URGCP: variants seen among roughly 807,000 people sequenced by gnomAD.
URGCP encodes upregulator of cell proliferation.
URGCP carries 13 observed loss-of-function variants against 24.6 expected under a neutral mutation model. The observed-to-expected ratio is 0.53, with a 90% confidence interval of 0.34 to 0.84. URGCP has a LOEUF of 0.84. Among genes scored for constraint, URGCP ranks in the 40% least tolerant of loss-of-function variants. The pLI is 0.01. For synonymous variants in URGCP, 444 were observed against 487.2 expected, an observed-to-expected ratio of 0.91 and a Z score of 1.17; for missense variants, 899 against 1,194.3, an observed-to-expected ratio of 0.75 and a Z score of 3.64.
At chr7:43,881,411 G>C (rs2095853496) in intron 5 of URGCP, 3 of 609,720 alleles carry the variant, frequency 4.9e-6, no homozygotes, top group African/African-American at 1.9e-5. Flanking sequence ...ATTAAAGGCA[G>C]TGAGTATGTT....
At chr7:43,913,632 G>T (rs2095912542) in intron 1 of URGCP, among the ~76,000 whole-genome samples, 1 of 152,108 alleles carries the variant, frequency 6.6e-6, no homozygotes, top group Non-Finnish European at 1.5e-5. Flanking sequence ...TAAATATGAT[G>T]AATCACTTCT....
At chr7:43,893,727 C>T (rs1160779976) in intron 1 of URGCP, among the ~76,000 whole-genome samples, 3 of 152,092 alleles carry the variant, frequency 2.0e-5, no homozygotes, top group Admixed American at 6.6e-5. Context: ...AAAAATTAGA[C>T]GGGTGTGATG....
intron 1 of URGCP, among the ~76,000 whole-genome samples, chr7:43,923,878 T>A (rs1344782908): frequency 7.0e-5 from 10 of 143,862 alleles, no homozygotes. Flanking sequence ...GTATTATTAT[T>A]ATTTTTTTTT....
intron 1 of URGCP, among the ~76,000 whole-genome samples, chr7:43,922,218 C>T (rs2095923248): frequency 6.6e-6 from 1 of 152,158 alleles, no homozygotes; most frequent in Non-Finnish European, 1.5e-5. Context: ...TGCACCATCA[C>T]ACTTGGATAA....
chr7:43,924,734 C>T (rs1301305788), intron 1 of URGCP, among the ~76,000 whole-genome samples: 1 of 152,032 alleles, frequency 6.6e-6, no homozygotes, highest in Non-Finnish European at 1.5e-5. Context: ...GTCAGGTGGG[C>T]TGGAGGTAGG....
At chr7:43,925,648 C>T (rs767869588) in intron 1 of URGCP, among the ~76,000 whole-genome samples, 7 of 152,006 alleles carry the variant, frequency 4.6e-5, no homozygotes, top group Non-Finnish European at 1.0e-4. Context: ...TACAGGCATA[C>T]GTCACTACGC....
At chr7:43,906,415 G>A (rs1445519123) in intron 1 of URGCP, 147 bp downstream of exon 1, 1 of 910,692 alleles carries the variant, frequency 1.1e-6, no homozygotes, top group African/African-American at 1.8e-5. Flanking sequence ...GCGGGCCGTG[G>A]GCCTGGTGGG....
chr7:43,921,862 T>A (rs139233790), intron 1 of URGCP, among the ~76,000 whole-genome samples: 1 of 152,166 alleles, frequency 6.6e-6, no homozygotes, highest in East Asian at 1.9e-4. Flanking sequence ...CTGTAAATAA[T>A]TGAGCATTGA....
chr7:43,900,469 CA>C (rs759728715), intron 1 of URGCP, among the ~76,000 whole-genome samples: 55,782 of 114,740 alleles, frequency 0.49, 11,074 homozygotes, highest in South Asian at 0.67. Context: ...AAAACCAAAA[CA>C]AAAAAAAAAA....
intron 1 of URGCP, among the ~76,000 whole-genome samples, chr7:43,913,528 T>C (rs1221845281): frequency 6.6e-6 from 1 of 152,054 alleles, no homozygotes; most frequent in Non-Finnish European, 1.5e-5. Context: ...CTGACAGTTA[T>C]TTTCTTTAAG....
chr7:43,903,232 A>G (rs986870337), intron 1 of URGCP, among the ~76,000 whole-genome samples: 1 of 152,252 alleles, frequency 6.6e-6, no homozygotes, highest in African/African-American at 2.4e-5. Context: ...TGGCATGGAA[A>G]GAATTTCAAG....
intron 1 of URGCP, among the ~76,000 whole-genome samples, chr7:43,912,831 A>C (rs1403505817): frequency 6.6e-6 from 1 of 151,634 alleles, no homozygotes; most frequent in Non-Finnish European, 1.5e-5. Flanking sequence ...TTTTCTGTGA[A>C]TGTCTTAATT....
chr7:43,913,041 G>A (rs946598504), intron 1 of URGCP, among the ~76,000 whole-genome samples: 4 of 151,940 alleles, frequency 2.6e-5, no homozygotes, highest in African/African-American at 7.3e-5. Flanking sequence ...AGTAGAGACA[G>A]GGTTTCACCA....
At chr7:43,925,126 G>A (rs894412265) in intron 1 of URGCP, among the ~76,000 whole-genome samples, 2 of 152,222 alleles carry the variant, frequency 1.3e-5, no homozygotes, top group African/African-American at 4.8e-5. Flanking sequence ...GGGCTTCCTT[G>A]AAGAGTTCTG....
At position 43,877,011 on chromosome 7, in the gene URGCP, C is replaced by T; in HGVS notation, c.2452G>A (p.Val818Ile). 1.2e-6 allele frequency: 2 copies of T among 1,614,256 alleles called. No individual in the cohort carries two copies. Among genetic ancestry groups the T allele is most frequent in the Non-Finnish European group, 8.5e-7 (1 of 1,180,048 alleles). Residue 818 changes from valine to isoleucine, a missense_variant, in exon 6 of 6, where the codon GTA (valine) becomes ATA (isoleucine). By Grantham distance (29) the Val-to-Ile change is conservative (BLOSUM62 3). Transcript: ENST00000453200. ...KTGHMPNYQF[V>I]YQNLHDVSVP... The stretch of plus-strand genomic sequence containing the variant: ...GATACATCATGAAGGTTCTGGTATA[C>T]AAACTGGTAGTTGGGCATGTGCCCC...
chr7:43,919,166 G>A, intron 1 of URGCP: 2 of 879,974 alleles, frequency 2.3e-6, no homozygotes, highest in Non-Finnish European at 2.0e-6. Context: ...TAGAATGGCT[G>A]AATGACAGGT....
chr7:43,915,387 C>T (rs902888344), intron 1 of URGCP, among the ~76,000 whole-genome samples: 1 of 152,240 alleles, frequency 6.6e-6, no homozygotes, highest in Non-Finnish European at 1.5e-5. Flanking sequence ...TGCACCCCCT[C>T]ACCCCATTGC....
intron 1 of URGCP, chr7:43,920,192 C>T (rs904821434): frequency 2.5e-5 from 14 of 553,444 alleles, no homozygotes; most frequent in African/African-American, 1.5e-4. Flanking sequence ...TGTTAGTCTG[C>T]GAACACATTA....
intron 1 of URGCP, among the ~76,000 whole-genome samples, chr7:43,916,862 G>A (rs1164055317): frequency 6.6e-6 from 1 of 152,092 alleles, no homozygotes; most frequent in Non-Finnish European, 1.5e-5. Context: ...TTGCTAGGAA[G>A]AGAAGGGAAC....
Sources: allele counts gnomAD v4.1 joint callset (sites outside exome capture counted in the v4.1 genomes callset), GRCh38; gene constraint gnomAD v4.1.1; transcripts MANE v1.5; gene names NCBI Gene and HGNC (gene_info 2026-07-23, HGNC 2026-07-21).